Variants in KMT2E observed in about 807,000 individuals in gnomAD.
The protein encoded by KMT2E is lysine methyltransferase 2E (inactive), also known as histone reader KMT2E.
Under a neutral mutation model 184.6 loss-of-function variants are expected in KMT2E, and 30 were observed. The observed-to-expected ratio is 0.16, with a 90% CI of 0.12 to 0.22. KMT2E has a LOEUF of 0.22. Ranked by LOEUF, KMT2E falls within the 10% of genes least tolerant of loss-of-function variation. KMT2E has a pLI of 1.00. For synonymous variants in KMT2E, 815 were observed against 776.5 expected (o/e 1.05, Z -0.82); for missense variants, 2,023 against 2,237.4 (o/e 0.90, Z 1.93).
chr7:105,111,868 A>T lies in KMT2E; in HGVS notation c.4112A>T (p.Lys1371Ile). 2 of 1,614,030 alleles carry T rather than the reference A, an allele frequency of 1.2e-6. No homozygotes were observed. The highest frequency in any genetic ancestry group is 1.1e-5 in the South Asian group (1 of 91,052). ...GSVIPAQAHG[K>I]IFTKPDPQWD... ...GTAATTCCTGCTCAAGCACACGGGA[A>T]AATATTCACAAAACCAGATCCCCAA... Residue 1371 changes from lysine (K) to isoleucine (I), a missense_variant, in exon 27 of 27, where the codon AAA (lysine) becomes ATA (isoleucine). By Grantham distance (102) the Lys-to-Ile change is moderately radical (BLOSUM62 -3). Coordinates refer to ENST00000311117, the MANE Select transcript of KMT2E (RefSeq NM_182931.3).
intron 23 of KMT2E, 77 bp downstream of exon 23, chr7:105,109,305 C>G: frequency 1.4e-6 from 2 of 1,417,612 alleles, no homozygotes; most frequent in South Asian, 2.6e-5. Flanking sequence ...GTTGTTCTCC[C>G]AAGGCTAAGC....
intron 15 of KMT2E, among the ~76,000 whole-genome samples, chr7:105,100,933 A>ATACT (rs1321297639): frequency 6.6e-6 from 1 of 152,156 alleles, no homozygotes; most frequent in African/African-American, 2.4e-5. Flanking sequence ...AGTCACAGAG[A>ATACT]TACTTACCAA....
At chr7:105,087,329 A>G (rs1282512611) in intron 13 of KMT2E, among the ~76,000 whole-genome samples, 6 of 147,714 alleles carry the variant, frequency 4.1e-5, no homozygotes, top group Non-Finnish European at 7.4e-5. Context: ...CATATATTAC[A>G]TATATGCTAG....
intron 1 of KMT2E, among the ~76,000 whole-genome samples, chr7:105,020,113 A>G (rs1794887301): frequency 6.6e-6 from 1 of 151,696 alleles, no homozygotes; most frequent in Non-Finnish European, 1.5e-5. Flanking sequence ...GTCTCAAAAA[A>G]AAAAAAAAAG....
chr7:105,062,210 A>G lies in KMT2E; in HGVS notation c.118A>G (p.Ser40Gly). ...CCCTGTGGTAGTTGAGAAATCCAAC[A>G]GTTATCCCCACCAGTTATATACCAG... The part of the protein sequence containing the change: ...ASPVVVEKSN[S>G]YPHQLYTSSS... The change falls in exon 4 of 27, where the codon AGT (serine) becomes GGT (glycine). Residue 40 changes from serine to glycine, a missense_variant. By Grantham distance (56) the Ser-to-Gly change is moderately conservative. This residue lies in a region of KMT2E where 63 missense variants were observed against 68.9 expected (regional missense o/e 0.91). Transcript: ENST00000311117. 1 of 1,613,776 alleles carries G rather than the reference A, an allele frequency of 6.2e-7. No homozygotes were observed. Among genetic ancestry groups the G allele is most frequent in the South Asian group, 1.1e-5 (1 of 91,052 alleles).
chr7:105,109,320 A>C, intron 23 of KMT2E, 92 bp downstream of exon 23: 1 of 1,303,104 alleles, frequency 7.7e-7, no homozygotes, highest in Non-Finnish European at 1.1e-6. Flanking sequence ...CTAAGCTGAT[A>C]GTGCTTCGTG....
At chr7:105,108,031 G>T in intron 22 of KMT2E, 106 bp downstream of exon 22, 2 of 609,474 alleles carry the variant, frequency 3.3e-6, no homozygotes, top group Non-Finnish European at 4.7e-6. Context: ...TCTTAATTTA[G>T]TTATTAAAGT....
chr7:105,047,518 A>G (rs875568), intron 3 of KMT2E, among the ~76,000 whole-genome samples: 3 of 152,060 alleles, frequency 2.0e-5, no homozygotes, highest in Non-Finnish European at 2.9e-5. Flanking sequence ...CTGTATTGTT[A>G]AACTTAATAG....
chr7:105,056,376 C>G (rs1381768088), intron 3 of KMT2E, among the ~76,000 whole-genome samples: 1 of 152,162 alleles, frequency 6.6e-6, no homozygotes, highest in African/African-American at 2.4e-5. Context: ...CTGGCTCTAT[C>G]TATTACAAGG....
intron 16 of KMT2E, 99 bp downstream of exon 16, chr7:105,101,688 TA>T (rs1798662047): frequency 9.0e-7 from 1 of 1,109,388 alleles, no homozygotes; most frequent in Non-Finnish European, 1.2e-6. Flanking sequence ...TAATGTCTAT[TA>T]GCTTTTTAAT....
intron 15 of KMT2E, among the ~76,000 whole-genome samples, chr7:105,098,349 C>G (rs1336206321): frequency 6.6e-6 from 1 of 151,918 alleles, no homozygotes; most frequent in Admixed American, 6.6e-5. Context: ...AAGCAATCCT[C>G]CTGCCTCAGT....
chr7:105,047,692 C>T (rs763899939), intron 3 of KMT2E, among the ~76,000 whole-genome samples: 1 of 152,284 alleles, frequency 6.6e-6, no homozygotes, highest in South Asian at 2.1e-4. Context: ...CCTGAAGTCA[C>T]GGATTGTAAG....
At chr7:105,061,616 T>A (rs529154853) in intron 3 of KMT2E, among the ~76,000 whole-genome samples, 14 of 152,320 alleles carry the variant, frequency 9.2e-5, no homozygotes, top group Admixed American at 8.5e-4. Flanking sequence ...CCAGAATTGC[T>A]CATCTTACAG....
chr7:105,064,311 A>G (rs2129567309), intron 5 of KMT2E, among the ~76,000 whole-genome samples: 1 of 151,602 alleles, frequency 6.6e-6, no homozygotes, highest in Admixed American at 6.6e-5. Context: ...AGTGCATTGT[A>G]GAGAGCAAGA....
At chr7:105,032,073 C>CAAA (rs869308527) in intron 1 of KMT2E, among the ~76,000 whole-genome samples, 257 of 76,842 alleles carry the variant, frequency 3.3e-3, no homozygotes, top group Non-Finnish European at 4.4e-3. Context: ...ACTCTTATCA[C>CAAA]AAAAAAAAAA....
chr7:105,063,395 CCCT>C lies in KMT2E; in HGVS notation c.237_239del (p.Pro80del). On this transcript the variant is annotated inframe_deletion, in exon 5 of 27. Transcript: ENST00000311117. ...GTCCTCCTCCGACACCTCCGGCTTC[CCCT>C]CCTCCATCAGTCCTTATTAGCAAAA... 1 of 1,613,156 alleles carries C rather than the reference CCCT, an allele frequency of 6.2e-7. No homozygotes were observed. Among genetic ancestry groups the C allele is most frequent in the Non-Finnish European group, 8.5e-7 (1 of 1,179,616 alleles).
intron 15 of KMT2E, among the ~76,000 whole-genome samples, chr7:105,097,666 G>T (rs765126114): frequency 6.6e-6 from 1 of 152,134 alleles, no homozygotes; most frequent in Admixed American, 6.6e-5. Context: ...GGGATTACAC[G>T]CGTGAGCCAC....
chr7:105,086,934 A>G (rs1476065431), intron 13 of KMT2E, among the ~76,000 whole-genome samples: 1 of 146,958 alleles, frequency 6.8e-6, no homozygotes, highest in African/African-American at 2.5e-5. Context: ...TGCTACATAT[A>G]AGTATATATA....
intron 3 of KMT2E, among the ~76,000 whole-genome samples, chr7:105,047,620 G>A (rs1796161245): frequency 6.6e-6 from 1 of 152,202 alleles, no homozygotes; most frequent in Admixed American, 6.5e-5. Flanking sequence ...TATACTGTGA[G>A]TCCAATGTTA....
Sources: allele counts gnomAD v4.1 joint callset (sites outside exome capture counted in the v4.1 genomes callset), GRCh38; gene constraint gnomAD v4.1.1; regional missense constraint gnomAD v4.1.1; transcripts MANE v1.5; gene names NCBI Gene and HGNC (gene_info 2026-07-23, HGNC 2026-07-21).